PPP2R2C: variants seen among roughly 807,000 people sequenced by gnomAD.
PPP2R2C encodes protein phosphatase 2, regulatory subunit B, gamma.
Under a neutral mutation model 45.3 loss-of-function variants are expected in PPP2R2C, and 10 were observed. The ratio of observed to expected loss-of-function variants is 0.22; its 90% CI spans 0.14 to 0.37. The LOEUF (loss-of-function observed/expected upper bound fraction) is 0.37. Ranked by LOEUF, PPP2R2C falls within the 10% of genes least tolerant of loss-of-function variation. The probability of loss-of-function intolerance (pLI) is 1.00; values close to 1 mark genes in which losing one functional copy is unlikely to be tolerated. For missense variants in PPP2R2C, 308 were observed against 619.7 expected, an observed-to-expected ratio of 0.50 and a Z score of 5.34; for synonymous variants, 257 against 245.4, an observed-to-expected ratio of 1.05 and a Z score of -0.44.
At chr4:6,469,218 C>T (rs142398118) in intron 1 of PPP2R2C, among the ~76,000 whole-genome samples, 412 of 152,156 alleles carry the variant, frequency 2.7e-3, no homozygotes, top group African/African-American at 9.4e-3. Flanking sequence ...GCAGGGCTCC[C>T]ACGGGCAAAG....
chr4:6,517,167 A>G (rs535540500), intron 2 of PPP2R2C, among the ~76,000 whole-genome samples: 4 of 152,256 alleles, frequency 2.6e-5, no homozygotes, highest in African/African-American at 9.6e-5. Flanking sequence ...CGCCTGGCAG[A>G]AGGTAGACAG....
intron 8 of PPP2R2C, among the ~76,000 whole-genome samples, chr4:6,327,314 G>A (rs1251100658): frequency 3.3e-5 from 5 of 152,184 alleles, no homozygotes; most frequent in Admixed American, 2.6e-4. Context: ...AGGACAGGGC[G>A]TGGCTGGCGT....
chr4:6,353,018 C>T (rs1249825511), intron 5 of PPP2R2C, among the ~76,000 whole-genome samples: 8 of 152,050 alleles, frequency 5.3e-5, no homozygotes, highest in African/African-American at 1.2e-4. Context: ...TCTGGAGCCC[C>T]GGAGCTGGAG....
At position 6,409,708 on chromosome 4, in the gene PPP2R2C, C is replaced by G. The variant is rs1451234322; in HGVS notation, c.71-28614G>C. On this transcript the variant is annotated intron_variant, in intron 1 of 8. Transcript: ENST00000382599. ...CCCCCCCATATCCCAGCCCTGGAGA[C>G]ACTAAGGTTGGTCGGGGTTCAGGAC... Among the ~76,000 whole-genome samples the G allele has an allele frequency of 2.6e-5, 4 of 152,326 alleles. No individual in the cohort carries two copies. In the South Asian group the frequency reaches 8.3e-4, roughly 32 times the overall value.
intron 1 of PPP2R2C, among the ~76,000 whole-genome samples, chr4:6,391,873 C>T (rs1716669416): frequency 1.3e-5 from 2 of 152,240 alleles, no homozygotes; most frequent in East Asian, 1.9e-4. Context: ...CCACCCTGAC[C>T]AGCTGTGTGA....
intron 1 of PPP2R2C, chr4:6,420,879 T>C (rs985039978): frequency 2.1e-6 from 2 of 940,770 alleles, no homozygotes; most frequent in African/African-American, 1.8e-5. Flanking sequence ...TTGTTGGATG[T>C]TACTGATGGG....
At chr4:6,544,756 A>C (rs1724921834) in intron 1 of PPP2R2C, among the ~76,000 whole-genome samples, 2 of 152,212 alleles carry the variant, frequency 1.3e-5, no homozygotes, top group African/African-American at 4.8e-5. Flanking sequence ...CTGGCCAGCT[A>C]ACACCCTTCT....
intron 2 of PPP2R2C, among the ~76,000 whole-genome samples, chr4:6,483,160 TA>T (rs1324487129): frequency 6.6e-6 from 1 of 150,904 alleles, no homozygotes; most frequent in Admixed American, 6.6e-5. Flanking sequence ...GATTGATAGA[TA>T]GACGATAGAT....
At chr4:6,426,746 A>G (rs1013825458) in intron 1 of PPP2R2C, among the ~76,000 whole-genome samples, 3 of 151,960 alleles carry the variant, frequency 2.0e-5, no homozygotes, top group Non-Finnish European at 4.4e-5. Context: ...CCCTGGAGAA[A>G]CCAGTTCAGC....
upstream of PPP2R2C, among the ~76,000 whole-genome samples, chr4:6,476,320 C>T (rs1342488904): frequency 1.3e-5 from 2 of 152,128 alleles, no homozygotes; most frequent in African/African-American, 4.8e-5. Context: ...TCCCAAAATT[C>T]ATATATTGAA....
Position 6,331,186 on chromosome 4 carries a change from G to T in PPP2R2C, c.961-1833C>A, listed in dbSNP as rs771048339. Among the ~76,000 whole-genome samples, 3 of 152,192 alleles carry T rather than the reference G, an allele frequency of 2.0e-5. No homozygotes were observed. The highest frequency in any genetic ancestry group is 6.5e-5 in the Admixed American group (1 of 15,274). On this transcript the variant is annotated intron_variant, in intron 7 of 8. Transcript: ENST00000382599. The surrounding 1 kb of genome is among the most constrained non-coding windows in gnomAD (Gnocchi z 5.9). ...CTTGGTGATGCACGCGTCCAAATGC[G>T]CATGCTGTTCTCTCTGCCGTGCACT...
chr4:6,429,192 C>T (rs1277369505), intron 1 of PPP2R2C, among the ~76,000 whole-genome samples: 1 of 152,200 alleles, frequency 6.6e-6, no homozygotes, highest in East Asian at 1.9e-4. Flanking sequence ...GTAGCTACCA[C>T]CCCCTGTGGT....
chr4:6,469,077 CAAAAAAAAA>C lies in PPP2R2C; in HGVS notation c.70+3074_70+3082del, dbSNP rs142008829. Among the ~76,000 whole-genome samples, 22 of 56,190 alleles carry C rather than the reference CAAAAAAAAA, an allele frequency of 3.9e-4. 1 individual carries two copies. The highest frequency in any genetic ancestry group is 1.2e-3 in the African/African-American group (17 of 14,402). 36.9% of individuals were successfully genotyped at this position (56,190 alleles called of 152,430 possible). On this transcript the variant is annotated intron_variant, in intron 1 of 8. Transcript: ENST00000382599. ...AGAGTAAGCCACCCAGCCCTGCCAC[CAAAAAAAAA>C]AAAAAAAAAAAAAAAAAAAATCCAA... is the stretch of plus-strand genomic sequence containing the variant.
chr4:6,546,887 G>A (rs1725004397), intron 1 of PPP2R2C, among the ~76,000 whole-genome samples: 1 of 152,196 alleles, frequency 6.6e-6, no homozygotes, highest in Non-Finnish European at 1.5e-5. Flanking sequence ...TTGGAAAAGG[G>A]TGGGGACAAA....
At chr4:6,366,336 G>T (rs1176141319) in intron 5 of PPP2R2C, among the ~76,000 whole-genome samples, 5 of 152,200 alleles carry the variant, frequency 3.3e-5, no homozygotes, top group Admixed American at 6.5e-5. Flanking sequence ...AGGGTCTGGG[G>T]TCTCTGATTC....
chr4:6,527,732 C>T (rs1724264465), intron 2 of PPP2R2C, among the ~76,000 whole-genome samples: 1 of 152,134 alleles, frequency 6.6e-6, no homozygotes, highest in Non-Finnish European at 1.5e-5. Flanking sequence ...AAATATGGGG[C>T]CCCAGCCGGG....
intron 4 of PPP2R2C, among the ~76,000 whole-genome samples, chr4:6,373,464 G>A (rs1715028745): frequency 6.6e-6 from 1 of 152,164 alleles, no homozygotes; most frequent in African/African-American, 2.4e-5. Flanking sequence ...AAGGTCCCTT[G>A]CACAGCCCTG....
At chr4:6,338,423 G>C (rs1733167554) in intron 6 of PPP2R2C, among the ~76,000 whole-genome samples, 4 of 152,244 alleles carry the variant, frequency 2.6e-5, no homozygotes, top group Admixed American at 1.3e-4. Flanking sequence ...TCAGGCCAAG[G>C]TGGAGGGGAC....
At chr4:6,557,833 A>C (rs1203590767) in intron 1 of PPP2R2C, among the ~76,000 whole-genome samples, 1 of 152,136 alleles carries the variant, frequency 6.6e-6, no homozygotes, top group African/African-American at 2.4e-5. Context: ...CCACCTGGGC[A>C]CTGGAGACCC....
Sources: allele counts gnomAD v4.1 joint callset (sites outside exome capture counted in the v4.1 genomes callset), GRCh38; gene constraint gnomAD v4.1.1; non-coding constraint Gnocchi (gnomAD v3.1); transcripts MANE v1.5; gene names NCBI Gene and HGNC (gene_info 2026-07-23, HGNC 2026-07-21).